CLVS1: variants seen among roughly 807,000 people sequenced by gnomAD.
CLVS1 encodes clavesin 1, also known as clavesin-1.
In CLVS1, 10 loss-of-function variants were observed where a neutral mutation model predicts 33.1. The observed-to-expected ratio is 0.30, with a 90% CI of 0.19 to 0.51. CLVS1 has a LOEUF of 0.51. CLVS1 is among the 20% of genes least tolerant of loss of function. The pLI, the probability that CLVS1 is intolerant of heterozygous loss-of-function variation, is 0.97. For synonymous variants in CLVS1, 163 were observed against 166.1 expected (o/e 0.98, Z 0.14); for missense variants, 343 against 433.4 (o/e 0.79, Z 1.85).
At chr8:61,349,857 A>C (rs1444246838) in intron 2 of CLVS1, among the ~76,000 whole-genome samples, 1 of 152,134 alleles carries the variant, frequency 6.6e-6, no homozygotes, top group Non-Finnish European at 1.5e-5. Flanking sequence ...GCACTCCCCA[A>C]ACACAGTGTA....
intron 2 of CLVS1, among the ~76,000 whole-genome samples, chr8:61,304,787 T>C (rs1810562526): frequency 6.6e-6 from 1 of 152,242 alleles, no homozygotes; most frequent in Admixed American, 6.5e-5. Context: ...ACATCGGTTT[T>C]TTTTCTGGAT....
chr8:61,353,225 C>A (rs547864730), intron 2 of CLVS1, among the ~76,000 whole-genome samples: 2 of 152,100 alleles, frequency 1.3e-5, no homozygotes, highest in African/African-American at 2.4e-5. Context: ...GAACACATCA[C>A]ACAACAACAG....
intron 2 of CLVS1, among the ~76,000 whole-genome samples, chr8:61,221,134 G>C (rs571634024): frequency 2.6e-5 from 4 of 152,200 alleles, no homozygotes; most frequent in Admixed American, 6.5e-5. Context: ...TGGAAACAGA[G>C]ACAACTTGAC....
At chr8:61,188,727 A>G (rs1279616086) in intron 2 of CLVS1, among the ~76,000 whole-genome samples, 3 of 152,150 alleles carry the variant, frequency 2.0e-5, no homozygotes, top group Admixed American at 6.6e-5. Context: ...GTAGCATAGC[A>G]TGGAGGAATA....
chr8:61,315,608 G>A (rs1359672732), intron 2 of CLVS1, among the ~76,000 whole-genome samples: 1 of 152,178 alleles, frequency 6.6e-6, no homozygotes, highest in Non-Finnish European at 1.5e-5. Context: ...ATTGACAAGG[G>A]TCACCAGCTC....
At position 61,310,951 on chromosome 8, in the gene CLVS1, GT is replaced by G. The variant is rs1319065330; in HGVS notation, c.455+10674del. The stretch of plus-strand genomic sequence containing the variant: ...CAAGATTTGTACTCCTTTTACCCTT[GT>G]TTTTCTCCTTTGTTTGGTAATAATA... On this transcript the variant is annotated intron_variant, in intron 2 of 5. Coordinates refer to ENST00000325897, the MANE Select transcript of CLVS1 (RefSeq NM_173519.3). Among the ~76,000 whole-genome samples the G allele has an allele frequency of 2.6e-5, 4 of 152,080 alleles. No homozygotes were observed. The East Asian group carries it at 7.7e-4, about 29-fold the overall frequency.
the CLVS1 span, among the ~76,000 whole-genome samples, chr8:60,978,843 A>G: frequency 6.6e-6 from 1 of 151,096 alleles, no homozygotes; most frequent in African/African-American, 2.4e-5. Context: ...AGAAATAACT[A>G]AAAAAATACA....
chr8:61,200,895 C>T (rs2129304917), intron 2 of CLVS1, among the ~76,000 whole-genome samples: 1 of 151,812 alleles, frequency 6.6e-6, no homozygotes, highest in South Asian at 2.1e-4. Context: ...TATTTGTTTC[C>T]TACTGAGGTT....
At chr8:61,090,834 T>C in intron 1 of CLVS1, 1 of 517,230 alleles carries the variant, frequency 1.9e-6, no homozygotes. Flanking sequence ...CCGATTTAGA[T>C]GATAAGATTT....
At chr8:61,374,155 G>C (rs1387346195) in intron 2 of CLVS1, among the ~76,000 whole-genome samples, 1 of 152,218 alleles carries the variant, frequency 6.6e-6, no homozygotes, top group Admixed American at 6.5e-5. Flanking sequence ...GGAGGCCATA[G>C]CTAGTGTGTG....
At chr8:61,099,667 G>C (rs1805414401) in intron 1 of CLVS1, among the ~76,000 whole-genome samples, 1 of 152,194 alleles carries the variant, frequency 6.6e-6, no homozygotes, top group Non-Finnish European at 1.5e-5. Flanking sequence ...AAGAATGAGA[G>C]AGTTTGGCGA....
chr8:61,492,180 C>T (rs772481269), intron 5 of CLVS1, among the ~76,000 whole-genome samples: 23 of 152,120 alleles, frequency 1.5e-4, no homozygotes, highest in Non-Finnish European at 2.6e-4. Flanking sequence ...AATGGAAAAA[C>T]GTGAGTCACA....
the CLVS1 span, among the ~76,000 whole-genome samples, chr8:60,981,586 T>A: frequency 6.6e-6 from 1 of 152,238 alleles, no homozygotes; most frequent in African/African-American, 2.4e-5. Context: ...ATAGTTATAG[T>A]AACTGCAATG....
chr8:61,094,749 A>C (rs553394284), intron 1 of CLVS1, among the ~76,000 whole-genome samples: 1 of 152,334 alleles, frequency 6.6e-6, no homozygotes, highest in Admixed American at 6.5e-5. Context: ...AAAAACATTC[A>C]TCTCCAAGCC....
At chr8:61,183,193 A>C (rs1372653353) in intron 2 of CLVS1, among the ~76,000 whole-genome samples, 2 of 152,168 alleles carry the variant, frequency 1.3e-5, no homozygotes, top group African/African-American at 2.4e-5. Flanking sequence ...CATCAGGACA[A>C]ATAGCTAATG....
chr8:61,315,363 G>A (rs1442537235), intron 2 of CLVS1, among the ~76,000 whole-genome samples: 1 of 152,128 alleles, frequency 6.6e-6, no homozygotes, highest in Non-Finnish European at 1.5e-5. Flanking sequence ...TTACCTTTTA[G>A]TACCTTCCTT....
At chr8:61,434,643 G>A (rs1816246796) in intron 3 of CLVS1, among the ~76,000 whole-genome samples, 1 of 152,204 alleles carries the variant, frequency 6.6e-6, no homozygotes, top group African/African-American at 2.4e-5. Flanking sequence ...TTTTCTGGTT[G>A]GCAGTTGGTT....
chr8:60,974,178 G>GC, the CLVS1 span, among the ~76,000 whole-genome samples: 2 of 152,176 alleles, frequency 1.3e-5, no homozygotes, highest in African/African-American at 2.4e-5. Flanking sequence ...GGAATTCACT[G>GC]CTTTTTTTCA....
chr8:61,054,285 G>A (rs1444717431), upstream of CLVS1, among the ~76,000 whole-genome samples: 1 of 152,210 alleles, frequency 6.6e-6, no homozygotes, highest in African/African-American at 2.4e-5. Flanking sequence ...TCTGGGGCAA[G>A]GTAGGGTTGC....
Sources: gnomAD v4.1 joint callset for allele counts (sites outside exome capture counted in the v4.1 genomes callset) on GRCh38, gnomAD v4.1.1 for gene constraint, MANE v1.5 for transcripts, NCBI Gene and HGNC (gene_info 2026-07-23, HGNC 2026-07-21) for gene names.